CADM2: variants seen among roughly 807,000 people sequenced by gnomAD.
CADM2 encodes the protein cell adhesion molecule 2.
Under a neutral mutation model 49.8 loss-of-function variants are expected in CADM2, and 12 were observed. The ratio of observed to expected loss-of-function variants is 0.24; its 90% CI spans 0.15 to 0.39. CADM2 has a LOEUF of 0.39. CADM2 is among the 10% of genes least tolerant of loss of function. The pLI, the probability that CADM2 is intolerant of heterozygous loss-of-function variation, is 1.00. For missense variants in CADM2, 378 were observed against 492.3 expected, an observed-to-expected ratio of 0.77 and a Z score of 2.20; for synonymous variants, 214 against 175.4, an observed-to-expected ratio of 1.22 and a Z score of -1.74.
chr3:85,894,994 G>C (rs1715021860), intron 5 of CADM2, among the ~76,000 whole-genome samples: 2 of 152,210 alleles, frequency 1.3e-5, no homozygotes, highest in Admixed American at 1.3e-4. Context: ...AGGATAATTG[G>C]GGTCATAACC....
At chr3:85,994,116 C>G (rs1401158874) in intron 8 of CADM2, 1 of 152,230 alleles carries the variant, frequency 6.6e-6, no homozygotes, top group Non-Finnish European at 1.5e-5. Flanking sequence ...ACTGTTTCAT[C>G]TACATTTAAA....
At chr3:85,705,043 T>G (rs1401102867) in intron 1 of CADM2, among the ~76,000 whole-genome samples, 1 of 149,764 alleles carries the variant, frequency 6.7e-6, no homozygotes, top group African/African-American at 2.4e-5. Context: ...TTTTTTTTTT[T>G]TTTAAATAGA....
At chr3:85,982,699 C>A (rs1727628252) in intron 8 of CADM2, among the ~76,000 whole-genome samples, 1 of 151,452 alleles carries the variant, frequency 6.6e-6, no homozygotes, top group African/African-American at 2.4e-5. Flanking sequence ...GACGTTGTTT[C>A]TTTGTGAATT....
intron 8 of CADM2, among the ~76,000 whole-genome samples, chr3:85,998,201 G>A (rs1053966319): frequency 6.6e-6 from 1 of 152,078 alleles, no homozygotes; most frequent in Non-Finnish European, 1.5e-5. Flanking sequence ...TTTGGATATA[G>A]CATATGTATT....
chr3:85,726,700 A>C, intron 2 of CADM2, 152 bp downstream of exon 2: 1 of 531,282 alleles, frequency 1.9e-6, no homozygotes, highest in Non-Finnish European at 3.3e-6. Context: ...ACAAATATCA[A>C]TTATTTCAGT....
At chr3:85,934,850 T>A (rs1721007735) in intron 6 of CADM2, among the ~76,000 whole-genome samples, 1 of 152,008 alleles carries the variant, frequency 6.6e-6, no homozygotes. Context: ...AATTGTGATC[T>A]TCTGGAGAGT....
intron 6 of CADM2, among the ~76,000 whole-genome samples, chr3:85,920,914 C>T (rs1719017327): frequency 1.3e-5 from 2 of 151,422 alleles, no homozygotes; most frequent in South Asian, 4.2e-4. Flanking sequence ...CCTAATTAAG[C>T]TTATCATCAA....
chr3:85,650,416 A>G (rs1449679007), intron 1 of CADM2, among the ~76,000 whole-genome samples: 1 of 152,124 alleles, frequency 6.6e-6, no homozygotes, highest in African/African-American at 2.4e-5. Context: ...AATTAGTTTC[A>G]AAACAGCATT....
chr3:85,545,372 A>G (rs1224066279), intron 1 of CADM2, among the ~76,000 whole-genome samples: 1 of 152,198 alleles, frequency 6.6e-6, no homozygotes, highest in Non-Finnish European at 1.5e-5. Context: ...TTAAAACACT[A>G]AGAAATAGAA....
At chr3:85,954,370 A>G (rs947955449) in intron 7 of CADM2, among the ~76,000 whole-genome samples, 8 of 151,064 alleles carry the variant, frequency 5.3e-5, no homozygotes, top group African/African-American at 1.9e-4. Flanking sequence ...CACTGCAATA[A>G]ATAGACCCAC....
intron 1 of CADM2, among the ~76,000 whole-genome samples, chr3:85,334,140 G>A (rs2045012714): frequency 6.6e-6 from 1 of 151,340 alleles, no homozygotes. Context: ...TGCTACTATA[G>A]CAGAAAACCT....
At chr3:85,388,836 G>A (rs1341514106) in intron 1 of CADM2, among the ~76,000 whole-genome samples, 6 of 151,544 alleles carry the variant, frequency 4.0e-5, no homozygotes, top group African/African-American at 1.5e-4. Flanking sequence ...TTTTTGAAAG[G>A]TATGAAGTAA....
intron 1 of CADM2, among the ~76,000 whole-genome samples, chr3:85,088,272 A>G (rs1343265068): frequency 2.6e-5 from 4 of 152,284 alleles, no homozygotes; most frequent in Non-Finnish European, 4.4e-5. Flanking sequence ...GCTGGGGCAC[A>G]TGTATCTCAG....
chr3:85,935,854 C>G lies in CADM2; in HGVS notation c.788C>G (p.Pro263Arg). 6.3e-7 allele frequency: 1 copy of G among 1,582,302 alleles called. No individual in the cohort carries two copies. Among genetic ancestry groups the G allele is most frequent in the Non-Finnish European group, 8.7e-7 (1 of 1,154,704 alleles). Residue 263 changes from proline to arginine, a missense_variant, in exon 7 of 10, where the codon CCA becomes CGA. Transcript: ENST00000383699. ...TTGACTTGTGAATCCAAAGGAAAAC[C>G]ACTGTAAGTGAGTTAATGAGCAATA... ...LILTCESKGK[P>R]LPEPVLWTKD...
intron 1 of CADM2, among the ~76,000 whole-genome samples, chr3:85,697,125 A>G (rs1385779453): frequency 6.7e-6 from 1 of 150,096 alleles, no homozygotes; most frequent in Non-Finnish European, 1.5e-5. Context: ...ATATATATAT[A>G]TGGCAGCTTC....
At chr3:85,657,778 A>G (rs2065257813) in intron 1 of CADM2, among the ~76,000 whole-genome samples, 1 of 65,198 alleles carries the variant, frequency 1.5e-5, no homozygotes, top group Non-Finnish European at 3.8e-5. Flanking sequence ...ATATATATAC[A>G]TATACATGTT....
chr3:86,042,580 A>G (rs1027343888), intron 8 of CADM2, among the ~76,000 whole-genome samples: 37 of 152,266 alleles, frequency 2.4e-4, no homozygotes, highest in African/African-American at 8.4e-4. Context: ...AATTCAGGCA[A>G]TAATTAATAG....
intron 1 of CADM2, among the ~76,000 whole-genome samples, chr3:85,345,643 C>A (rs540117072): frequency 6.6e-6 from 1 of 152,152 alleles, no homozygotes; most frequent in Non-Finnish European, 1.5e-5. Context: ...CAAGGAAAAA[C>A]TGATGAGCTG....
intron 1 of CADM2, among the ~76,000 whole-genome samples, chr3:85,001,618 A>G (rs543479420): frequency 6.6e-5 from 10 of 152,204 alleles, no homozygotes; most frequent in African/African-American, 2.4e-4. Flanking sequence ...CTATACAGAC[A>G]ATACTATTTA....
Sources: gnomAD v4.1 joint callset for allele counts (sites outside exome capture counted in the v4.1 genomes callset) on GRCh38, gnomAD v4.1.1 for gene constraint, MANE v1.5 for transcripts, NCBI Gene and HGNC (gene_info 2026-07-23, HGNC 2026-07-21) for gene names.